Variants in PDE8A observed in about 807,000 individuals in gnomAD.
PDE8A encodes phosphodiesterase 8A.
PDE8A carries 59 observed loss-of-function variants against 105.0 expected under a neutral mutation model. That is an observed-to-expected ratio of 0.56 (90% confidence interval 0.46 to 0.70). The LOEUF (loss-of-function observed/expected upper bound fraction) is 0.70, where lower values mean the gene tolerates loss of function less well. PDE8A is among the 30% of genes least tolerant of loss of function. The pLI is 0.00. For missense variants in PDE8A, 1,014 were observed against 1,045.9 expected, an observed-to-expected ratio of 0.97 and a Z score of 0.42; for synonymous variants, 355 against 371.9, an observed-to-expected ratio of 0.95 and a Z score of 0.52.
At chr15:85,056,391 T>C (rs2081060444) in intron 1 of PDE8A, among the ~76,000 whole-genome samples, 1 of 152,214 alleles carries the variant, frequency 6.6e-6, no homozygotes, top group South Asian at 2.1e-4. Flanking sequence ...CTGGATAATA[T>C]CCTGCAGAGT....
intron 1 of PDE8A, among the ~76,000 whole-genome samples, chr15:84,994,203 A>G (rs761496285): frequency 2.0e-5 from 3 of 152,092 alleles, no homozygotes; most frequent in Non-Finnish European, 4.4e-5. Flanking sequence ...TCTTCAGTCT[A>G]TGGTTTGCTC....
intron 3 of PDE8A, among the ~76,000 whole-genome samples, chr15:85,068,569 C>A (rs1048034403): frequency 6.7e-6 from 1 of 148,456 alleles, no homozygotes; most frequent in Non-Finnish European, 1.5e-5. Context: ...TCCCTTTTAT[C>A]CCTAACATTG....
intron 20 of PDE8A, among the ~76,000 whole-genome samples, chr15:85,134,964 C>T (rs913406494): frequency 5.3e-5 from 8 of 152,138 alleles, no homozygotes; most frequent in Admixed American, 1.3e-4. Flanking sequence ...GGGAGCTCCA[C>T]GCAAGTGCCG....
At chr15:85,000,996 G>A (rs1434310456) in intron 1 of PDE8A, among the ~76,000 whole-genome samples, 1 of 152,138 alleles carries the variant, frequency 6.6e-6, no homozygotes, top group African/African-American at 2.4e-5. Flanking sequence ...AGCAGAGTGA[G>A]CAAATGCAGA....
chr15:85,129,970 A>G (rs775523333), intron 20 of PDE8A, among the ~76,000 whole-genome samples: 1 of 152,212 alleles, frequency 6.6e-6, no homozygotes, highest in Non-Finnish European at 1.5e-5. Context: ...TTGCATTGCT[A>G]TAAAAGAATA....
At chr15:85,052,848 T>A (rs891299846) in intron 1 of PDE8A, among the ~76,000 whole-genome samples, 3 of 152,228 alleles carry the variant, frequency 2.0e-5, no homozygotes, top group Admixed American at 1.3e-4. Context: ...TTTGTCAATT[T>A]TGGCTTTTGT....
At chr15:85,076,621 C>T (rs1361794824) in intron 4 of PDE8A, 112 bp from the exon 5 acceptor site, 2 of 708,196 alleles carry the variant, frequency 2.8e-6, no homozygotes, top group African/African-American at 3.6e-5. Context: ...TAATCTGATT[C>T]ATCTAAAAGT....
chr15:85,129,085 T>C (rs953299484), intron 20 of PDE8A, among the ~76,000 whole-genome samples: 1 of 152,256 alleles, frequency 6.6e-6, no homozygotes, highest in Non-Finnish European at 1.5e-5. Context: ...GGAACCAATC[T>C]TGCATTTCAG....
At position 85,084,901 on chromosome 15, in the gene PDE8A, C is replaced by G. The variant is rs545958150; in HGVS notation, c.635+1257C>G. On this transcript the variant is annotated intron_variant, in intron 6 of 21. Transcript: ENST00000394553. Reference sequence around the variant, plus strand: ...CCCTAAATCCAGTCACTGACCAAGTCCAATTGATCTTACTAATTTTTGGAA... The same window carrying G: ...CCCTAAATCCAGTCACTGACCAAGTGCAATTGATCTTACTAATTTTTGGAA... 6.7e-5 allele frequency among the ~76,000 whole-genome samples: 10 copies of G among 150,020 alleles called. No individual in the cohort carries two copies. In the South Asian group the frequency reaches 2.1e-3, roughly 31 times the overall value.
intron 1 of PDE8A, among the ~76,000 whole-genome samples, chr15:84,990,135 G>T (rs764351830): frequency 6.6e-6 from 1 of 152,056 alleles, no homozygotes; most frequent in Non-Finnish European, 1.5e-5. Context: ...AGGATTGCTC[G>T]AGCCCAGGTG....
chr15:85,080,020 T>C (rs1172397836), intron 5 of PDE8A, among the ~76,000 whole-genome samples: 1 of 152,138 alleles, frequency 6.6e-6, no homozygotes, highest in African/African-American at 2.4e-5. Flanking sequence ...CTATAACAGT[T>C]ACAAGACACT....
At position 84,982,334 on chromosome 15, in the gene PDE8A, G is replaced by T; in HGVS notation, c.172G>T (p.Gly58Cys). ...AGLLESELRD[G>C]SGKKVAVADV... ...CCTCTTGGAGTCGGAGCTTCGCGAC[G>T]GCAGCGGCAAGAAGGTAAGGGGCGC... Residue 58 changes from glycine to cysteine, a missense_variant, in exon 1 of 22, where the codon GGC (glycine) becomes TGC (cysteine). Transcript: ENST00000394553. 1 of 1,328,006 alleles carries T rather than the reference G, an allele frequency of 7.5e-7. No individual in the cohort carries two copies. The highest frequency in any genetic ancestry group is 9.6e-7 in the Non-Finnish European group (1 of 1,042,512). 82.3% of individuals were successfully genotyped at this position (1,328,006 alleles called of 1,614,324 possible). A position where few individuals can be genotyped will look rare whatever the true frequency, so the allele number is the denominator to read the frequency against.
intron 17 of PDE8A, 179 bp from the exon 18 acceptor site, chr15:85,120,616 ATG>A: frequency 1.8e-6 from 1 of 545,354 alleles, no homozygotes; most frequent in East Asian, 3.0e-5. Flanking sequence ...ACTAACAAAT[ATG>A]CAGAAATATA....
chr15:85,035,290 C>G (rs1340141237), intron 1 of PDE8A, among the ~76,000 whole-genome samples: 4 of 145,748 alleles, frequency 2.7e-5, no homozygotes, highest in Non-Finnish European at 6.0e-5. Context: ...CTCACTGCAA[C>G]CTCCGCCTAC....
intron 1 of PDE8A, among the ~76,000 whole-genome samples, chr15:85,010,697 T>C (rs1170277952): frequency 6.6e-6 from 1 of 152,198 alleles, no homozygotes; most frequent in East Asian, 1.9e-4. Context: ...ACAGTCTTTT[T>C]TTCTGTCACC....
chr15:85,061,707 G>A (rs1353812955), intron 1 of PDE8A, among the ~76,000 whole-genome samples: 4 of 151,982 alleles, frequency 2.6e-5, no homozygotes, highest in Non-Finnish European at 5.9e-5. Context: ...TTTCTCTTCA[G>A]CATCTGGGAC....
At chr15:85,090,054 A>G (rs2081616202) in intron 7 of PDE8A, among the ~76,000 whole-genome samples, 1 of 152,200 alleles carries the variant, frequency 6.6e-6, no homozygotes, top group African/African-American at 2.4e-5. Flanking sequence ...TGGGCTCTCC[A>G]GTCTTTCACT....
chr15:85,100,470 G>A (rs895047834), intron 11 of PDE8A, among the ~76,000 whole-genome samples: 1 of 152,196 alleles, frequency 6.6e-6, no homozygotes, highest in African/African-American at 2.4e-5. Context: ...TGTGAAGTGT[G>A]GTTTTATAAC....
chr15:85,038,442 C>A (rs960992869), intron 1 of PDE8A, among the ~76,000 whole-genome samples: 1 of 152,026 alleles, frequency 6.6e-6, no homozygotes, highest in Non-Finnish European at 1.5e-5. Flanking sequence ...TAGTGCTTTT[C>A]GTATCTGGTT....
Sources: allele counts gnomAD v4.1 joint callset (sites outside exome capture counted in the v4.1 genomes callset), GRCh38; gene constraint gnomAD v4.1.1; transcripts MANE v1.5; gene names NCBI Gene and HGNC (gene_info 2026-07-23, HGNC 2026-07-21).